ASCC1: variants seen among roughly 807,000 people sequenced by gnomAD.
The protein encoded by ASCC1 is activating signal cointegrator 1 complex subunit 1, also known as ASC-1 complex subunit P50.
ASCC1 carries 35 observed loss-of-function variants against 46.6 expected under a neutral mutation model. The ratio of observed to expected loss-of-function variants is 0.75; its 90% CI spans 0.57 to 0.99. The LOEUF (loss-of-function observed/expected upper bound fraction) is 0.99. ASCC1 is among the 50% of genes least tolerant of loss of function. ASCC1 has a pLI of 0.00. For synonymous variants in ASCC1, 143 were observed against 146.6 expected, an observed-to-expected ratio of 0.98 and a Z score of 0.18; for missense variants, 376 against 428.7, an observed-to-expected ratio of 0.88 and a Z score of 1.09.
At chr10:72,201,399 G>A (rs549333278) in intron 4 of ASCC1, among the ~76,000 whole-genome samples, 214 of 152,254 alleles carry the variant, frequency 1.4e-3, no homozygotes, top group Middle Eastern at 3.4e-3. Context: ...AACATTTATG[G>A]AAAATGGGGC....
At chr10:72,171,056 A>G (rs1358389868) in intron 5 of ASCC1, among the ~76,000 whole-genome samples, 2 of 152,246 alleles carry the variant, frequency 1.3e-5, no homozygotes, top group African/African-American at 4.8e-5. Context: ...GTTGAGAAAG[A>G]TAAAAATGGA....
rs1246462265 is a variant in ASCC1, at chr10:72,214,364, TCTC to T, written c.-33-1036_-33-1034del. 6.0e-3 allele frequency among the ~76,000 whole-genome samples: 876 copies of T among 145,564 alleles called. 2 individuals carry two copies. The highest frequency in any genetic ancestry group is 0.01 in the African/African-American group (392 of 39,124). On this transcript the variant is annotated intron_variant, in intron 1 of 9. Coordinates refer to ENST00000672957, the MANE Select transcript of ASCC1 (RefSeq NM_001198800.3). Reference sequence around the variant, plus strand: ...TGGTTATCTAACCATTTGCACAATATCTCTTTTTTTTTTTTTTTTTTTTTTTTT... The same window carrying T: ...TGGTTATCTAACCATTTGCACAATATTTTTTTTTTTTTTTTTTTTTTTTTT...
chr10:72,116,877 A>C (rs1843550814), intron 9 of ASCC1, among the ~76,000 whole-genome samples: 1 of 152,130 alleles, frequency 6.6e-6, no homozygotes, highest in Non-Finnish European at 1.5e-5. Context: ...AGGATCACTT[A>C]AGCTCAGAAG....
chr10:72,178,806 T>C (rs965318120), intron 5 of ASCC1, among the ~76,000 whole-genome samples: 1 of 152,178 alleles, frequency 6.6e-6, no homozygotes, highest in Non-Finnish European at 1.5e-5. Flanking sequence ...AACTATAACC[T>C]GATATTTCAA....
chr10:72,213,486 A>G, intron 1 of ASCC1, 155 bp from the exon 2 acceptor site: 1 of 599,984 alleles, frequency 1.7e-6, no homozygotes, highest in Non-Finnish European at 3.1e-6. Context: ...CCATCTGTAA[A>G]CCAGTTTAGG....
chr10:72,207,413 C>T (rs1242577318), intron 3 of ASCC1, among the ~76,000 whole-genome samples: 1 of 152,142 alleles, frequency 6.6e-6, no homozygotes, highest in African/African-American at 2.4e-5. Context: ...GAATCCGTCT[C>T]AAAATAATAA....
intron 3 of ASCC1, among the ~76,000 whole-genome samples, chr10:72,207,760 T>C (rs1857419463): frequency 6.6e-6 from 1 of 152,170 alleles, no homozygotes. Context: ...CCAGGTAATT[T>C]CTTTCTTGAT....
intron 6 of ASCC1, among the ~76,000 whole-genome samples, chr10:72,157,651 A>G (rs532531479): frequency 2.6e-5 from 4 of 152,314 alleles, no homozygotes; most frequent in African/African-American, 9.6e-5. Flanking sequence ...TCTCCTGAAA[A>G]AACTGTTATA....
In ASCC1 at chr10:72,157,341, GA is replaced by G. The variant is rs1179584908; in HGVS notation, c.626+4196del. Among the ~76,000 whole-genome samples, 5 of 152,168 alleles carry G rather than the reference GA, an allele frequency of 3.3e-5. No individual in the cohort carries two copies. In the East Asian group the frequency reaches 7.7e-4, roughly 23 times the overall value. ...AAAATGAAGTCAAAAAAGTTTGTTT[GA>G]AAAAAAGTTTCACACTAAATACACA... On this transcript the variant is annotated intron_variant, in intron 6 of 9. Coordinates refer to ENST00000672957, the MANE Select transcript of ASCC1 (RefSeq NM_001198800.3).
chr10:72,181,612 TTAAC>T lies in ASCC1; in HGVS notation c.489+15195_489+15198del, dbSNP rs577722853. On this transcript the variant is annotated intron_variant, in intron 5 of 9. Coordinates refer to ENST00000672957, the MANE Select transcript of ASCC1 (RefSeq NM_001198800.3). ...ACCATACATGAGACTTAAGGAATATTTAACTATTTTTGGAAAACTGAAGCAGAGA... is the reference window on the plus strand; with the variant it reads ...ACCATACATGAGACTTAAGGAATATTTATTTTTGGAAAACTGAAGCAGAGA... 3.3e-5 allele frequency among the ~76,000 whole-genome samples: 5 copies of T among 152,104 alleles called. No individual in the cohort carries two copies. The South Asian group carries it at 8.3e-4, about 25-fold the overall frequency.
rs577396571 is a variant in ASCC1, at chr10:72,210,427, T to C, written c.212+305A>G. 7.9e-5 allele frequency among the ~76,000 whole-genome samples: 12 copies of C among 152,298 alleles called. No homozygotes were observed. In the East Asian group the frequency reaches 1.9e-3, roughly 25 times the overall value. On this transcript the variant is annotated intron_variant, in intron 3 of 9. Coordinates refer to ENST00000672957, the MANE Select transcript of ASCC1 (RefSeq NM_001198800.3). ...CACCCGCCTCAGCCTCCCGAAGTGC[T>C]GGGATTACAGGCGTGAGCCACCGCA...
chr10:72,201,820 G>C (rs1856540523), intron 4 of ASCC1, among the ~76,000 whole-genome samples: 1 of 152,046 alleles, frequency 6.6e-6, no homozygotes. Flanking sequence ...TGTTCCTGTA[G>C]ACCCAGCTAT....
chr10:72,209,237 A>G (rs1048741300), intron 3 of ASCC1, among the ~76,000 whole-genome samples: 2 of 152,002 alleles, frequency 1.3e-5, no homozygotes, highest in South Asian at 2.1e-4. Context: ...TCATCCCAAC[A>G]CTTTGGGAGA....
intron 6 of ASCC1, among the ~76,000 whole-genome samples, chr10:72,156,657 G>C (rs1564662912): frequency 6.6e-6 from 1 of 151,710 alleles, no homozygotes; most frequent in Non-Finnish European, 1.5e-5. Flanking sequence ...CTGTAGTCCC[G>C]GCTACTCAGG....
At chr10:72,137,728 G>A (rs946665216) in intron 7 of ASCC1, among the ~76,000 whole-genome samples, 1 of 152,040 alleles carries the variant, frequency 6.6e-6, no homozygotes. Flanking sequence ...ACCTCACCAC[G>A]CAGATAAACA....
intron 7 of ASCC1, among the ~76,000 whole-genome samples, chr10:72,143,473 G>C (rs1379633146): frequency 2.0e-5 from 3 of 151,522 alleles, no homozygotes; most frequent in African/African-American, 7.3e-5. Context: ...AAGTAGCTGG[G>C]ATTACAGATG....
chr10:72,123,249 G>A (rs1186145158), intron 9 of ASCC1, among the ~76,000 whole-genome samples: 1 of 151,292 alleles, frequency 6.6e-6, no homozygotes, highest in Non-Finnish European at 1.5e-5. Flanking sequence ...TGAGGCAGGA[G>A]AATGGCATGA....
Position 72,124,434 on chromosome 10 carries a change from A to G in ASCC1, c.957+3648T>C, listed in dbSNP as rs1005039921. Among the ~76,000 whole-genome samples the G allele has an allele frequency of 7.9e-5, 12 of 152,144 alleles. No homozygotes were observed. In the East Asian group the frequency reaches 2.3e-3, roughly 29 times the overall value. On this transcript the variant is annotated intron_variant, in intron 9 of 9. Transcript: ENST00000672957. ...CATATCACCTTCTCTGATGAGTACAACCTAGGGCTCTAATGCCTCCTCTTC... is the reference window on the plus strand; with the variant it reads ...CATATCACCTTCTCTGATGAGTACAGCCTAGGGCTCTAATGCCTCCTCTTC...
At chr10:72,103,778 C>G (rs1842058079) in intron 9 of ASCC1, among the ~76,000 whole-genome samples, 1 of 152,078 alleles carries the variant, frequency 6.6e-6, no homozygotes, top group Non-Finnish European at 1.5e-5. Context: ...AGAAAAGAAT[C>G]CGAACAAACA....
Sources: allele counts gnomAD v4.1 joint callset (sites outside exome capture counted in the v4.1 genomes callset), GRCh38; gene constraint gnomAD v4.1.1; transcripts MANE v1.5; gene names NCBI Gene and HGNC (gene_info 2026-07-23, HGNC 2026-07-21).